Variants in CSMD1 observed in about 807,000 individuals in gnomAD.
The protein encoded by CSMD1 is CUB and Sushi multiple domains 1.
CSMD1 carries 213 observed loss-of-function variants against 417.5 expected under a neutral mutation model. The ratio of observed to expected loss-of-function variants is 0.51; its 90% CI spans 0.46 to 0.57. The LOEUF is 0.57. Ranked by LOEUF, CSMD1 falls within the 20% of genes least tolerant of loss-of-function variation. The pLI is 0.00. For synonymous variants in CSMD1, 2,862 were observed against 1,736.8 expected, an observed-to-expected ratio of 1.65 and a Z score of -16.11; for missense variants, 6,923 against 4,529.7, an observed-to-expected ratio of 1.53 and a Z score of -15.17.
chr8:4,743,802 G>C (rs1310738137), intron 1 of CSMD1, among the ~76,000 whole-genome samples: 1 of 152,120 alleles, frequency 6.6e-6, no homozygotes, highest in East Asian at 1.9e-4. Context: ...ATACCCTCAG[G>C]TGCTATGAAA....
intron 4 of CSMD1, among the ~76,000 whole-genome samples, chr8:4,029,650 G>C (rs112200579): frequency 1.3e-5 from 2 of 151,910 alleles, no homozygotes; most frequent in African/African-American, 4.8e-5. Context: ...ATATCATTTC[G>C]CTCCTGGACC....
chr8:4,052,485 G>T (rs773461480), intron 3 of CSMD1, among the ~76,000 whole-genome samples: 4 of 152,102 alleles, frequency 2.6e-5, no homozygotes, highest in African/African-American at 4.8e-5. Context: ...TTTACCCAGG[G>T]TCAGAGTGCA....
At chr8:3,987,267 C>G (rs1814405570) in intron 5 of CSMD1, among the ~76,000 whole-genome samples, 1 of 152,292 alleles carries the variant, frequency 6.6e-6, no homozygotes, top group Admixed American at 6.5e-5. Flanking sequence ...CTACACACAG[C>G]CCAGTGTTTC....
chr8:3,209,301 T>G (rs897842880), intron 30 of CSMD1, among the ~76,000 whole-genome samples: 6 of 151,592 alleles, frequency 4.0e-5, no homozygotes, highest in Non-Finnish European at 8.8e-5. Context: ...GTTTATTTAT[T>G]TATTTATTTA....
chr8:3,598,603 G>A (rs1331814314), intron 8 of CSMD1, among the ~76,000 whole-genome samples: 1 of 152,020 alleles, frequency 6.6e-6, no homozygotes, highest in African/African-American at 2.4e-5. Context: ...TCTTTTATTT[G>A]TCCTCATCCC....
At chr8:3,474,610 G>T (rs979327627) in intron 11 of CSMD1, among the ~76,000 whole-genome samples, 5 of 152,120 alleles carry the variant, frequency 3.3e-5, no homozygotes, top group African/African-American at 4.8e-5. Flanking sequence ...CTTTTTGTGA[G>T]CAGAAATATG....
At chr8:3,254,934 G>A (rs1026229467) in intron 26 of CSMD1, among the ~76,000 whole-genome samples, 1 of 152,156 alleles carries the variant, frequency 6.6e-6, no homozygotes, top group Non-Finnish European at 1.5e-5. Flanking sequence ...TCCTTTGGAG[G>A]AGGAGAGGTG....
intron 3 of CSMD1, among the ~76,000 whole-genome samples, chr8:4,263,379 A>G (rs919172259): frequency 6.6e-6 from 1 of 152,220 alleles, no homozygotes; most frequent in East Asian, 1.9e-4. Context: ...ATAAAAATAA[A>G]AAACCTGCTT....
At chr8:4,631,569 A>G (rs1026645770) in intron 2 of CSMD1, among the ~76,000 whole-genome samples, 1 of 152,166 alleles carries the variant, frequency 6.6e-6, no homozygotes, top group Non-Finnish European at 1.5e-5. Flanking sequence ...TAAGTTCTAA[A>G]TATCACCAGA....
At chr8:3,936,612 C>G (rs147303062) in intron 5 of CSMD1, among the ~76,000 whole-genome samples, 1 of 152,138 alleles carries the variant, frequency 6.6e-6, no homozygotes, top group African/African-American at 2.4e-5. Context: ...TTTAAGGCCA[C>G]TGTTGAGACG....
At chr8:3,604,160 G>A (rs556355957) in intron 8 of CSMD1, among the ~76,000 whole-genome samples, 10 of 152,286 alleles carry the variant, frequency 6.6e-5, no homozygotes, top group South Asian at 2.1e-4. Context: ...TTCTCTCTAC[G>A]GGGCTCAGAA....
At chr8:3,753,607 T>C (rs890330866) in intron 6 of CSMD1, among the ~76,000 whole-genome samples, 4 of 152,210 alleles carry the variant, frequency 2.6e-5, no homozygotes, top group Non-Finnish European at 4.4e-5. Context: ...TGAATGTAAA[T>C]ACAATAGCCA....
At chr8:3,957,860 C>T (rs1044660393) in intron 5 of CSMD1, among the ~76,000 whole-genome samples, 2 of 152,146 alleles carry the variant, frequency 1.3e-5, no homozygotes, top group African/African-American at 4.8e-5. Flanking sequence ...ATAAGAGGCA[C>T]ATTTGGAGCC....
At chr8:4,359,873 C>G (rs915259917) in intron 3 of CSMD1, among the ~76,000 whole-genome samples, 1 of 152,222 alleles carries the variant, frequency 6.6e-6, no homozygotes, top group African/African-American at 2.4e-5. Context: ...GACAACACTA[C>G]TAAATTCTAA....
intron 3 of CSMD1, among the ~76,000 whole-genome samples, chr8:4,217,599 G>A (rs1800759906): frequency 1.3e-5 from 2 of 151,268 alleles, no homozygotes; most frequent in East Asian, 2.0e-4. Context: ...ACCATTTGGT[G>A]AACAGGCAAG....
At chr8:4,748,978 C>G (rs913829627) in intron 1 of CSMD1, among the ~76,000 whole-genome samples, 4 of 152,212 alleles carry the variant, frequency 2.6e-5, no homozygotes, top group African/African-American at 7.2e-5. Flanking sequence ...AAGTTCTAAG[C>G]TACTGGCATT....
At chr8:4,975,520 T>A (rs1440003165) in intron 1 of CSMD1, among the ~76,000 whole-genome samples, 4 of 152,166 alleles carry the variant, frequency 2.6e-5, no homozygotes, top group African/African-American at 7.2e-5. Flanking sequence ...GCCAAATCAC[T>A]TATTTTTCAG....
At chr8:4,303,306 C>G (rs557179046) in intron 3 of CSMD1, among the ~76,000 whole-genome samples, 129 of 152,118 alleles carry the variant, frequency 8.5e-4, no homozygotes, top group Admixed American at 3.2e-3. Flanking sequence ...TAGTTATAAC[C>G]TGGCACTGAC....
At chr8:4,906,378 G>C (rs1183689923) in intron 1 of CSMD1, among the ~76,000 whole-genome samples, 2 of 152,136 alleles carry the variant, frequency 1.3e-5, no homozygotes, top group Admixed American at 1.3e-4. Context: ...ATTGTGGGTA[G>C]AACACTGAGT....
Sources: gnomAD v4.1 joint callset for allele counts (sites outside exome capture counted in the v4.1 genomes callset) on GRCh38, gnomAD v4.1.1 for gene constraint, MANE v1.5 for transcripts, NCBI Gene and HGNC (gene_info 2026-07-23, HGNC 2026-07-21) for gene names.